RAB38: variants seen among roughly 807,000 people sequenced by gnomAD.
RAB38 encodes the protein ras-related protein Rab-38.
Under a neutral mutation model 18.4 loss-of-function variants are expected in RAB38, and 15 were observed. The observed-to-expected ratio is 0.82, with a 90% CI of 0.55 to 1.26. The LOEUF is 1.26. Among genes scored for constraint, RAB38 ranks in the 50% most tolerant of loss-of-function variants. The pLI is 0.00. For missense variants in RAB38, 294 were observed against 267.4 expected (o/e 1.10, Z -0.69); for synonymous variants, 101 against 104.4 (o/e 0.97, Z 0.20).
the RAB38 span, among the ~76,000 whole-genome samples, chr11:87,876,490 C>T: frequency 0.034 from 5,117 of 151,606 alleles, 223 homozygotes; most frequent in Admixed American, 0.13. Flanking sequence ...CAAACTAACA[C>T]AGCTTTGAAA....
chr11:88,110,112 C>T (rs953390783), downstream of RAB38, among the ~76,000 whole-genome samples: 6 of 152,128 alleles, frequency 3.9e-5, no homozygotes, highest in African/African-American at 1.4e-4. Context: ...AGACTTGGAA[C>T]CAACCCAAAT....
chr11:88,053,176 AAT>A, the RAB38 span, among the ~76,000 whole-genome samples: 4 of 113,866 alleles, frequency 3.5e-5, no homozygotes, highest in South Asian at 7.6e-4. Flanking sequence ...ATATATATGG[AAT>A]ATATATATAC....
chr11:87,935,451 G>C, the RAB38 span, among the ~76,000 whole-genome samples: 1 of 151,940 alleles, frequency 6.6e-6, no homozygotes, highest in Non-Finnish European at 1.5e-5. Flanking sequence ...TTTTCACACA[G>C]ATTTCTGTAG....
the RAB38 span, among the ~76,000 whole-genome samples, chr11:87,950,514 T>C: frequency 2.6e-5 from 4 of 152,226 alleles, no homozygotes; most frequent in African/African-American, 4.8e-5. Context: ...GTTTTTGCAG[T>C]GGCTGGTACC....
the RAB38 span, among the ~76,000 whole-genome samples, chr11:88,021,386 T>C: frequency 2.6e-5 from 4 of 151,906 alleles, no homozygotes; most frequent in Admixed American, 6.6e-5. Context: ...GATTGAACCA[T>C]GAAGAAATTA....
the RAB38 span, among the ~76,000 whole-genome samples, chr11:88,008,760 G>A: frequency 1.3e-5 from 2 of 152,168 alleles, no homozygotes; most frequent in African/African-American, 4.8e-5. Flanking sequence ...TGCAAGCTCC[G>A]CCTCGCGGAT....
the RAB38 span, among the ~76,000 whole-genome samples, chr11:88,008,400 AGC>A: frequency 9.2e-5 from 14 of 152,284 alleles, no homozygotes; most frequent in South Asian, 1.2e-3. Context: ...CCAGAAGAAG[AGC>A]ATTAGAACAG....
the RAB38 span, among the ~76,000 whole-genome samples, chr11:87,969,303 C>T: frequency 6.6e-6 from 1 of 152,052 alleles, no homozygotes; most frequent in Admixed American, 6.6e-5. Flanking sequence ...ACACATATCC[C>T]CCCCCAATAG....
the RAB38 span, among the ~76,000 whole-genome samples, chr11:87,927,729 A>T: frequency 6.6e-6 from 1 of 151,974 alleles, no homozygotes; most frequent in Non-Finnish European, 1.5e-5. Flanking sequence ...CAAGTTACTT[A>T]ACTTTTCTCT....
At chr11:88,078,031 C>G in the RAB38 span, among the ~76,000 whole-genome samples, 1 of 151,920 alleles carries the variant, frequency 6.6e-6, no homozygotes, top group Admixed American at 6.6e-5. Flanking sequence ...ATACATTACT[C>G]AAAAGAAGAC....
chr11:88,080,401 A>C, the RAB38 span, among the ~76,000 whole-genome samples: 1 of 151,898 alleles, frequency 6.6e-6, no homozygotes, highest in Non-Finnish European at 1.5e-5. Flanking sequence ...TAAAAGATCC[A>C]AATAAAAGGT....
the RAB38 span, among the ~76,000 whole-genome samples, chr11:88,064,927 G>GA: frequency 2.6e-5 from 4 of 152,184 alleles, no homozygotes; most frequent in Admixed American, 1.3e-4. Flanking sequence ...ACAATCTTGT[G>GA]AAAAAAATCT....
At chr11:87,813,155 T>C in the RAB38 span, among the ~76,000 whole-genome samples, 1 of 152,174 alleles carries the variant, frequency 6.6e-6, no homozygotes, top group Non-Finnish European at 1.5e-5. Flanking sequence ...AGAATGCAGA[T>C]GGTATTTTAT....
the RAB38 span, among the ~76,000 whole-genome samples, chr11:87,844,479 A>G: frequency 6.6e-6 from 1 of 152,130 alleles, no homozygotes. Flanking sequence ...TGAGGCACAG[A>G]TAGATTAATT....
At chr11:88,112,692 T>C (rs1942488789), downstream of RAB38, among the ~76,000 whole-genome samples, 1 of 152,044 alleles carries the variant, frequency 6.6e-6, no homozygotes, top group African/African-American at 2.4e-5. Context: ...GAGAATCGCT[T>C]GAACCCAGGA....
the RAB38 span, among the ~76,000 whole-genome samples, chr11:87,897,850 G>C: frequency 6.6e-6 from 1 of 151,544 alleles, no homozygotes; most frequent in Admixed American, 6.6e-5. Flanking sequence ...GGAATGACCA[G>C]AACACTCGAA....
chr11:87,964,846 ATTAC>A, the RAB38 span, among the ~76,000 whole-genome samples: 1 of 152,152 alleles, frequency 6.6e-6, no homozygotes, highest in Non-Finnish European at 1.5e-5. Context: ...TAATTTATAA[ATTAC>A]TTATTTCACT....
At chr11:88,109,237 C>T (rs1035490634), downstream of RAB38, among the ~76,000 whole-genome samples, 1 of 152,154 alleles carries the variant, frequency 6.6e-6, no homozygotes, top group Admixed American at 6.6e-5. Context: ...AAACCTGGCT[C>T]TTTGACAAAT....
intron 1 of RAB38, among the ~76,000 whole-genome samples, chr11:88,157,409 AT>A (rs1943139814): frequency 6.6e-6 from 1 of 152,226 alleles, no homozygotes; most frequent in Admixed American, 6.5e-5. Flanking sequence ...GGACTTCAAT[AT>A]CCCACTGTCA....
Sources: allele counts gnomAD v4.1 joint callset (sites outside exome capture counted in the v4.1 genomes callset), GRCh38; gene constraint gnomAD v4.1.1; transcripts MANE v1.5; gene names NCBI Gene and HGNC (gene_info 2026-07-23, HGNC 2026-07-21).